Variants in ADAMTS6 observed in about 807,000 individuals in gnomAD.
The protein encoded by ADAMTS6 is ADAM metallopeptidase with thrombospondin type 1 motif 6, also known as A disintegrin and metalloproteinase with thrombospondin motifs 6.
In ADAMTS6, 23 loss-of-function variants were observed where a neutral mutation model predicts 144.3. The ratio of observed to expected loss-of-function variants is 0.16; its 90% CI spans 0.11 to 0.23. The LOEUF is 0.23. ADAMTS6 is among the 10% of genes least tolerant of loss of function. The pLI, the probability that ADAMTS6 is intolerant of heterozygous loss-of-function variation, is 1.00. For missense variants in ADAMTS6, 999 were observed against 1,379.6 expected (o/e 0.72, Z 4.37); for synonymous variants, 444 against 457.5 (o/e 0.97, Z 0.38).
intron 20 of ADAMTS6, among the ~76,000 whole-genome samples, chr5:65,199,310 T>C (rs1458020814): frequency 6.6e-6 from 1 of 152,188 alleles, no homozygotes. Flanking sequence ...AGAAACTGAA[T>C]TAAGTCAAGA....
intron 11 of ADAMTS6, among the ~76,000 whole-genome samples, chr5:65,279,341 T>C (rs1762811822): frequency 6.6e-6 from 1 of 152,130 alleles, no homozygotes; most frequent in Admixed American, 6.5e-5. Flanking sequence ...TTGTGAGACA[T>C]AGTCTCGTTC....
At chr5:65,184,711 C>G (rs930918526) in intron 22 of ADAMTS6, among the ~76,000 whole-genome samples, 1 of 152,126 alleles carries the variant, frequency 6.6e-6, no homozygotes, top group Admixed American at 6.5e-5. Flanking sequence ...CCTGGGTGAT[C>G]CCAAGTATAG....
In ADAMTS6 at chr5:65,162,660, CT is replaced by C. The variant is rs761367906; in HGVS notation, c.3244+7956del. Among the ~76,000 whole-genome samples the C allele has an allele frequency of 6.3e-3, 941 of 148,416 alleles. 5 individuals are homozygous for C. The highest frequency in any genetic ancestry group is 0.01 in the Non-Finnish European group (685 of 66,580). ...ACACACACACACACACACACACACA[CT>C]TGCAGAGAGAGATCTATTTGTGTAT... On this transcript the variant is annotated intron_variant, in intron 24 of 24. Transcript: ENST00000381055.
At chr5:65,153,457 C>T (rs868626900) in intron 24 of ADAMTS6, among the ~76,000 whole-genome samples, 7 of 152,246 alleles carry the variant, frequency 4.6e-5, no homozygotes, top group Non-Finnish European at 1.0e-4. Context: ...AGAACCCACA[C>T]TCAACGTGTA....
At chr5:65,260,390 T>C (rs1761071514) in intron 14 of ADAMTS6, among the ~76,000 whole-genome samples, 1 of 152,130 alleles carries the variant, frequency 6.6e-6, no homozygotes, top group Non-Finnish European at 1.5e-5. Flanking sequence ...GGGAAGAATA[T>C]ACTTGTTCCC....
chr5:65,383,976 A>G (rs1752268428), intron 7 of ADAMTS6, among the ~76,000 whole-genome samples: 1 of 152,224 alleles, frequency 6.6e-6, no homozygotes, highest in Non-Finnish European at 1.5e-5. Context: ...CCGAGGCACA[A>G]CTAAATCTGT....
chr5:65,421,578 G>A (rs1222370318), intron 7 of ADAMTS6, among the ~76,000 whole-genome samples: 2 of 152,080 alleles, frequency 1.3e-5, no homozygotes, highest in Non-Finnish European at 2.9e-5. Flanking sequence ...ATATTACCCA[G>A]CTTCAAATTA....
At chr5:65,419,727 G>C (rs1034070557) in intron 7 of ADAMTS6, among the ~76,000 whole-genome samples, 3 of 152,064 alleles carry the variant, frequency 2.0e-5, no homozygotes, top group African/African-American at 7.2e-5. Context: ...ACAAGAAAGA[G>C]GTCAAACACA....
intron 7 of ADAMTS6, among the ~76,000 whole-genome samples, chr5:65,375,643 A>T (rs1751457361): frequency 6.6e-6 from 1 of 152,070 alleles, no homozygotes; most frequent in African/African-American, 2.4e-5. Context: ...AGAAATAGGA[A>T]CACTTTTACA....
intron 9 of ADAMTS6, among the ~76,000 whole-genome samples, chr5:65,307,865 C>T (rs575699149): frequency 2.6e-5 from 4 of 152,240 alleles, no homozygotes; most frequent in African/African-American, 9.6e-5. Context: ...CTCTGAGGTC[C>T]TGGCCAGTAC....
At chr5:65,292,854 C>T (rs527253752) in intron 10 of ADAMTS6, among the ~76,000 whole-genome samples, 1 of 152,162 alleles carries the variant, frequency 6.6e-6, no homozygotes, top group East Asian at 1.9e-4. Context: ...AACTAACTAA[C>T]TAACTAACAA....
chr5:65,407,352 T>A (rs937826614), intron 7 of ADAMTS6, among the ~76,000 whole-genome samples: 10 of 148,260 alleles, frequency 6.7e-5, no homozygotes, highest in Admixed American at 6.7e-4. Flanking sequence ...TTTTTTTTTA[T>A]TATACTTTAA....
In ADAMTS6 at chr5:65,172,833, T is replaced by C. The variant is rs1403556676; in HGVS notation, c.3086A>G (p.Gln1029Arg). The C allele has an allele frequency of 6.2e-7, 1 of 1,613,684 alleles. No homozygotes were observed. The highest frequency in any genetic ancestry group is 2.2e-5 in the East Asian group (1 of 44,880). The change falls in exon 23 of 25, where the codon CAG (glutamine) becomes CGG (arginine). Residue 1029 changes from glutamine to arginine, a missense_variant and splice_region_variant. Transcript: ENST00000381055. The part of the protein sequence containing the change: ...PPRWVTGDWG[Q>R]CSAQCGLGQQ... ...GAGCCCACAGTACAAACGCCTTACC[T>C]GGCCCCAGTCTCCTGTGACCCAGCG... is the stretch of plus-strand genomic sequence containing the variant.
chr5:65,294,280 C>T (rs543249817), intron 10 of ADAMTS6, among the ~76,000 whole-genome samples: 2 of 152,290 alleles, frequency 1.3e-5, no homozygotes, highest in African/African-American at 4.8e-5. Context: ...AGTGAAGTGG[C>T]ATGATCACAG....
At chr5:65,316,540 G>A (rs1745017265) in intron 9 of ADAMTS6, among the ~76,000 whole-genome samples, 1 of 152,028 alleles carries the variant, frequency 6.6e-6, no homozygotes. Context: ...TGAAAGATGA[G>A]TACTGTCAGA....
At chr5:65,370,199 G>C (rs988510976) in intron 7 of ADAMTS6, among the ~76,000 whole-genome samples, 2 of 152,166 alleles carry the variant, frequency 1.3e-5, no homozygotes, top group African/African-American at 2.4e-5. Flanking sequence ...CATGAGATCT[G>C]GAGTTCGAGA....
chr5:65,162,045 G>A (rs1752811628), intron 24 of ADAMTS6, among the ~76,000 whole-genome samples: 1 of 152,060 alleles, frequency 6.6e-6, no homozygotes, highest in Admixed American at 6.6e-5. Flanking sequence ...TAACCATGAG[G>A]TGTTTCTCCA....
At chr5:65,398,364 T>A (rs73111144) in intron 7 of ADAMTS6, among the ~76,000 whole-genome samples, 1 of 152,226 alleles carries the variant, frequency 6.6e-6, no homozygotes, top group African/African-American at 2.4e-5. Flanking sequence ...CTGACTCCTT[T>A]ATCATTACGT....
At chr5:65,246,581 C>T (rs1188352710) in intron 14 of ADAMTS6, among the ~76,000 whole-genome samples, 1 of 152,038 alleles carries the variant, frequency 6.6e-6, no homozygotes, top group East Asian at 1.9e-4. Context: ...GATAAGGTGG[C>T]ATTCAAGTGG....
Sources: allele counts gnomAD v4.1 joint callset (sites outside exome capture counted in the v4.1 genomes callset), GRCh38; gene constraint gnomAD v4.1.1; transcripts MANE v1.5; gene names NCBI Gene and HGNC (gene_info 2026-07-23, HGNC 2026-07-21).